The following LZTS2 variants were observed in gnomAD, a reference collection of about 807,000 sequenced individuals.
LZTS2 encodes the protein leucine zipper putative tumor suppressor 2.
A neutral mutation model predicts 60.6 loss-of-function variants in LZTS2; 32 were observed. The ratio of observed to expected loss-of-function variants is 0.53; its 90% confidence interval spans 0.40 to 0.71. The LOEUF is 0.71. Ranked by LOEUF, LZTS2 falls within the 30% of genes least tolerant of loss-of-function variation. The probability of loss-of-function intolerance (pLI) is 0.00; values close to 1 mark genes in which losing one functional copy is unlikely to be tolerated. For synonymous variants in LZTS2, 360 were observed against 393.1 expected (o/e 0.92, Z 1.00); for missense variants, 792 against 901.9 (o/e 0.88, Z 1.56).
exon 4 of LZTS2, chr10:101,007,757 A>C: frequency 1.6e-6 from 1 of 618,070 alleles, no homozygotes; most frequent in Non-Finnish European, 2.1e-6. Flanking sequence ...CCTCGTTTTC[A>C]CTTGTATATT....
chr10:101,007,359 C>T (rs1852244564), exon 4 of LZTS2: 1 of 1,417,776 alleles, frequency 7.1e-7, no homozygotes. Context: ...CAAGATCAGA[C>T]CGCTCAAAGG....
At chr10:101,002,936 A>G in exon 1 of LZTS2, 1 of 1,610,164 alleles carries the variant, frequency 6.2e-7, no homozygotes, top group Non-Finnish European at 8.5e-7. Flanking sequence ...GTCTCTGGAA[A>G]GCTGGAGAAG....
chr10:101,002,662 C>T lies in LZTS2; in HGVS notation c.124C>T (p.Pro42Ser), dbSNP rs762091213. Reference sequence around the variant, plus strand: ...CTCAGGCCGGCCCTGTCCCGGGGGGCCAGCTCCTCCCCGCCACCACGGCCC... The same window carrying T: ...CTCAGGCCGGCCCTGTCCCGGGGGGTCAGCTCCTCCCCGCCACCACGGCCC... The change falls in exon 1 of 4, where the codon CCA becomes TCA. Residue 42 changes from proline (P) to serine (S), a missense_variant. Physicochemically the swap from Pro to Ser is moderately conservative, Grantham distance 74. Coordinates refer to ENST00000370220, the Ensembl canonical transcript of LZTS2. 1.5e-5 allele frequency: 24 copies of T among 1,607,950 alleles called. No individual in the cohort carries two copies. The Admixed American group carries it at 3.7e-4, about 25-fold the overall frequency.
chr10:101,007,355 C>G, exon 4 of LZTS2: 1 of 1,418,986 alleles, frequency 7.0e-7, no homozygotes, highest in South Asian at 1.5e-5. Context: ...GGAGCAAGAT[C>G]AGACCGCTCA....
intron 1 of LZTS2, 26 bp from the exon 3 acceptor site, chr10:101,003,481 C>T (rs1228558293): frequency 6.6e-7 from 1 of 1,512,326 alleles, no homozygotes; most frequent in East Asian, 2.3e-5. Flanking sequence ...AGCTCATCTC[C>T]AGTGTCACAT....
intron 2 of LZTS2, among the ~76,000 whole-genome samples, chr10:101,005,064 C>T (rs807025): frequency 0.29 from 44,045 of 151,906 alleles, 6,917 homozygotes; most frequent in East Asian, 0.54. Flanking sequence ...AGAGCAGTGG[C>T]GTGATTTCAG....
intron 1 of LZTS2, 128 bp downstream of exon 2, chr10:101,003,074 A>C: frequency 8.4e-7 from 1 of 1,188,510 alleles, no homozygotes; most frequent in Non-Finnish European, 1.1e-6. Context: ...TCCTAATCCC[A>C]GCTCTCTCTC....
chr10:101,005,948 G>A (rs557165383), intron 3 of LZTS2, among the ~76,000 whole-genome samples: 1 of 152,362 alleles, frequency 6.6e-6, no homozygotes, highest in East Asian at 1.9e-4. Context: ...TGCTTGTGGT[G>A]TGGAGGCACT....
chr10:100,999,114 C>T (rs952778488), upstream of LZTS2: 13 of 152,328 alleles, frequency 8.5e-5, no homozygotes, highest in Non-Finnish European at 1.9e-4. Context: ...CGATAAATGA[C>T]CTCTCTCTTA....
At chr10:101,002,258 GC>G (rs2133968784) in exon 1 of LZTS2, 1 of 323,262 alleles carries the variant, frequency 3.1e-6, no homozygotes, top group South Asian at 1.5e-4. Context: ...AATCATCCAG[GC>G]CTCCCATGCC....
chr10:101,004,711 T>C (rs918019157), intron 2 of LZTS2, among the ~76,000 whole-genome samples: 1 of 152,254 alleles, frequency 6.6e-6, no homozygotes, highest in South Asian at 2.1e-4. Context: ...TTAACTTTAC[T>C]CAGCCTTTAT....
At chr10:100,999,411 C>T (rs1426910279), upstream of LZTS2, 1 of 152,324 alleles carries the variant, frequency 6.6e-6, no homozygotes, top group Non-Finnish European at 1.5e-5. Context: ...ATCGGCCTCT[C>T]GCTTGGGACT....
exon 1 of LZTS2, chr10:101,001,634 G>A (rs1342486545): frequency 6.6e-6 from 1 of 152,270 alleles, no homozygotes; most frequent in African/African-American, 2.4e-5. Context: ...AGAGCCTGGG[G>A]AGGTGGAGCC....
exon 3 of LZTS2, chr10:101,005,675 A>G (rs1852160479): frequency 1.4e-5 from 22 of 1,604,556 alleles, no homozygotes; most frequent in Non-Finnish European, 1.8e-5. Flanking sequence ...GAGCGGGAGC[A>G]GCGGGAGCTC....
intron 3 of LZTS2, among the ~76,000 whole-genome samples, chr10:101,006,160 C>A (rs1173366897): frequency 6.6e-6 from 1 of 152,244 alleles, no homozygotes; most frequent in East Asian, 1.9e-4. Context: ...CACCTGGGCA[C>A]TGCCCTCCAT....
chr10:101,002,764 G>A, exon 1 of LZTS2: 1 of 1,613,360 alleles, frequency 6.2e-7, no homozygotes, highest in South Asian at 1.1e-5. Context: ...GCTGTGCCCA[G>A]CTGTGCCCCC....
At chr10:101,007,634 C>T (rs1176592205) in exon 4 of LZTS2, 4 of 1,229,558 alleles carry the variant, frequency 3.3e-6, no homozygotes, top group East Asian at 6.6e-5. Flanking sequence ...TTGAGCTCTG[C>T]AGCCTCTCTC....
At chr10:101,005,835 C>G (rs1250749157) in intron 3 of LZTS2, 120 bp downstream of exon 4, 4 of 1,292,090 alleles carry the variant, frequency 3.1e-6, no homozygotes, top group Non-Finnish European at 4.1e-6. Context: ...TTCTCACCTC[C>G]GTGAGATGAG....
chr10:101,006,035 T>A (rs1206493701), intron 3 of LZTS2, among the ~76,000 whole-genome samples: 4 of 152,188 alleles, frequency 2.6e-5, no homozygotes, highest in Non-Finnish European at 5.9e-5. Flanking sequence ...GTCTCCCCAT[T>A]TTAGAGATGA....
Sources: gnomAD v4.1 joint callset for allele counts (sites outside exome capture counted in the v4.1 genomes callset) on GRCh38, gnomAD v4.1.1 for gene constraint, MANE v1.5 for transcripts, NCBI Gene and HGNC (gene_info 2026-07-23, HGNC 2026-07-21) for gene names.